BICD1: variants seen among roughly 807,000 people sequenced by gnomAD.
BICD1 encodes BICD cargo adaptor 1, also known as protein bicaudal D homolog 1.
In BICD1, 35 loss-of-function variants were observed where a neutral mutation model predicts 92.5. The ratio of observed to expected loss-of-function variants is 0.38; its 90% CI spans 0.29 to 0.50. BICD1 has a LOEUF of 0.50. Ranked by LOEUF, BICD1 falls within the 20% of genes least tolerant of loss-of-function variation. The probability of loss-of-function intolerance (pLI) is 0.93; values close to 1 mark genes in which losing one functional copy is unlikely to be tolerated. For synonymous variants in BICD1, 429 were observed against 465.1 expected (o/e 0.92, Z 1.00); for missense variants, 950 against 1,189.8 (o/e 0.80, Z 2.97).
At chr12:32,142,453 C>CCTATCTATCTATCTATCCTATCTATCTAT (rs1942966028) in intron 1 of BICD1, among the ~76,000 whole-genome samples, 3 of 112,882 alleles carry the variant, frequency 2.7e-5, no homozygotes, top group East Asian at 2.6e-4. Context: ...ACCTATCTAT[C>CCTATCTATCTATCTATCCTATCTATCTAT]CTATCTATCT....
chr12:32,348,714 T>TCA (rs1476376231), intron 8 of BICD1, among the ~76,000 whole-genome samples: 8 of 136,332 alleles, frequency 5.9e-5, no homozygotes, highest in African/African-American at 2.1e-4. Flanking sequence ...GCTTTCTAGC[T>TCA]CACACAAAAA....
At chr12:32,190,097 CT>C (rs1944524602) in intron 1 of BICD1, among the ~76,000 whole-genome samples, 1 of 151,912 alleles carries the variant, frequency 6.6e-6, no homozygotes, top group Admixed American at 6.6e-5. Context: ...AAGAACCTAC[CT>C]TTAGTAGAAA....
intron 2 of BICD1, among the ~76,000 whole-genome samples, chr12:32,251,267 CATAAAA>C (rs1169722686): frequency 6.6e-6 from 1 of 152,066 alleles, no homozygotes; most frequent in African/African-American, 2.4e-5. Context: ...ATAGGAATGA[CATAAAA>C]ATAAAATCTT....
chr12:32,330,561 C>A (rs1317211867), intron 5 of BICD1, among the ~76,000 whole-genome samples: 2 of 148,262 alleles, frequency 1.3e-5, no homozygotes, highest in African/African-American at 5.0e-5. Context: ...TACCCTAGAA[C>A]TTAAAGTAAA....
chr12:32,320,637 T>C (rs896495090), intron 4 of BICD1, among the ~76,000 whole-genome samples: 2 of 151,918 alleles, frequency 1.3e-5, no homozygotes, highest in Non-Finnish European at 2.9e-5. Flanking sequence ...TGAGACTCCG[T>C]CTCAAAATAA....
At chr12:32,315,922 G>A (rs537761907) in intron 4 of BICD1, among the ~76,000 whole-genome samples, 2 of 152,106 alleles carry the variant, frequency 1.3e-5, no homozygotes, top group South Asian at 4.2e-4. Context: ...GATCATCTGA[G>A]GTCGGGAGTT....
intron 1 of BICD1, among the ~76,000 whole-genome samples, chr12:32,191,518 T>A (rs1241441945): frequency 6.7e-6 from 1 of 150,302 alleles, no homozygotes; most frequent in Admixed American, 6.7e-5. Flanking sequence ...TGTCTCTGTG[T>A]CCCATTTTGG....
chr12:32,148,142 C>CAAAAAAAAAAAA (rs10525262), intron 1 of BICD1, among the ~76,000 whole-genome samples: 4,330 of 60,470 alleles, frequency 0.072, 357 homozygotes, highest in South Asian at 0.23. Flanking sequence ...ACTCCGTCTC[C>CAAAAAAAAAAAA]AAAAAAAAAA....
At chr12:32,349,832 T>G (rs1461335308) in intron 8 of BICD1, among the ~76,000 whole-genome samples, 1 of 152,224 alleles carries the variant, frequency 6.6e-6, no homozygotes, top group African/African-American at 2.4e-5. Context: ...GAGTTCTTGC[T>G]GAATTCTGAC....
Position 32,380,936 on chromosome 12 carries a change from A to C in BICD1, c.*3309A>C, listed in dbSNP as rs1242580157. ...TAGTAACTCTAGGAAAGAGATTTTT[A>C]ACACTGGGAAATTAACGTGGAAATT... On this transcript the variant is annotated 3_prime_UTR_variant, in exon 10 of 10. Transcript: ENST00000652176. 6.6e-6 allele frequency: 1 copy of C among 152,118 alleles called. No homozygotes were observed. The highest frequency in any genetic ancestry group is 1.5e-5 in the Non-Finnish European group (1 of 67,974). The allele number at this position is 152,118 out of a possible 1,614,324, so 9.4% of individuals were successfully genotyped here. A position where few individuals can be genotyped will look rare whatever the true frequency, so the allele number is the denominator to read the frequency against.
At chr12:32,377,317 A>G (rs1161048277) in intron 9 of BICD1, among the ~76,000 whole-genome samples, 2 of 152,194 alleles carry the variant, frequency 1.3e-5, no homozygotes, top group African/African-American at 4.8e-5. Context: ...ACTTTGAGGG[A>G]AGAGTGCATA....
At chr12:32,144,210 G>A (rs183254178) in intron 1 of BICD1, among the ~76,000 whole-genome samples, 1 of 152,274 alleles carries the variant, frequency 6.6e-6, no homozygotes, top group African/African-American at 2.4e-5. Context: ...GACAAAAATT[G>A]TCTTTCATAA....
Position 32,152,191 on chromosome 12 carries a change from A to G in BICD1, c.213+44647A>G, listed in dbSNP as rs1050888170. Among the ~76,000 whole-genome samples the G allele has an allele frequency of 7.3e-5, 11 of 151,680 alleles. No homozygotes were observed. In the South Asian group the frequency reaches 1.0e-3, roughly 14 times the overall value. On this transcript the variant is annotated intron_variant, in intron 1 of 9. Transcript: ENST00000652176. ...AGGCTGGTCTTGAACTCCTGACCTC[A>G]GGTGATCCACCTGCCTTGGCCTCCC...
chr12:32,338,959 GGTTAACC>G lies in BICD1; in HGVS notation c.2747_2753del (p.Leu916TrpfsTer20). On this transcript the variant is annotated frameshift_variant, in exon 8 of 10. Transcript: ENST00000652176. LOFTEE classifies it high-confidence loss of function. ...GGGCACCGGCTCAGCAAGGAAAAAA[GGTTAACC>G]GTGGCTCCACCAGGTAAACATTTTT... The G allele has an allele frequency of 6.3e-7, 1 of 1,597,818 alleles. No homozygotes were observed. Among genetic ancestry groups the G allele is most frequent in the Non-Finnish European group, 8.5e-7 (1 of 1,174,382 alleles).
intron 9 of BICD1, among the ~76,000 whole-genome samples, chr12:32,373,735 C>A (rs1939823472): frequency 6.6e-6 from 1 of 151,432 alleles, no homozygotes; most frequent in South Asian, 2.1e-4. Context: ...AAAAAATTAG[C>A]CAGGTGTTGT....
At chr12:32,221,210 T>A (rs1467648692) in intron 2 of BICD1, among the ~76,000 whole-genome samples, 1 of 151,630 alleles carries the variant, frequency 6.6e-6, no homozygotes, top group Non-Finnish European at 1.5e-5. Context: ...AACCTGCACA[T>A]TGTGCACATG....
At chr12:32,273,992 G>A (rs1947210871) in intron 2 of BICD1, among the ~76,000 whole-genome samples, 1 of 152,122 alleles carries the variant, frequency 6.6e-6, no homozygotes, top group African/African-American at 2.4e-5. Flanking sequence ...TGTGCAGGTG[G>A]GCATTATTCA....
chr12:32,359,425 C>T (rs1057472246), intron 8 of BICD1, among the ~76,000 whole-genome samples: 3 of 152,082 alleles, frequency 2.0e-5, no homozygotes, highest in Admixed American at 6.5e-5. Flanking sequence ...CAAAGTGGTG[C>T]AGGGCATCAC....
At chr12:32,320,626 G>A (rs1395311116) in intron 4 of BICD1, among the ~76,000 whole-genome samples, 1 of 152,194 alleles carries the variant, frequency 6.6e-6, no homozygotes, top group Admixed American at 6.5e-5. Context: ...GGGCGACAGA[G>A]TGAGACTCCG....
Sources: allele counts gnomAD v4.1 joint callset (sites outside exome capture counted in the v4.1 genomes callset), GRCh38; gene constraint gnomAD v4.1.1; transcripts MANE v1.5; gene names NCBI Gene and HGNC (gene_info 2026-07-23, HGNC 2026-07-21).